ZNRF3: variants seen among roughly 807,000 people sequenced by gnomAD.
The protein encoded by ZNRF3 is E3 ubiquitin-protein ligase ZNRF3.
Under a neutral mutation model 72.5 loss-of-function variants are expected in ZNRF3, and 23 were observed. That is an observed-to-expected ratio of 0.32 (90% CI 0.23 to 0.45). The LOEUF (loss-of-function observed/expected upper bound fraction) is 0.45. ZNRF3 is among the 20% of genes least tolerant of loss of function. The pLI, the probability that ZNRF3 is intolerant of heterozygous loss-of-function variation, is 1.00. For missense variants in ZNRF3, 1,169 were observed against 1,272.1 expected (o/e 0.92, Z 1.23); for synonymous variants, 610 against 545.3 (o/e 1.12, Z -1.65).
intron 1 of ZNRF3, among the ~76,000 whole-genome samples, chr22:28,934,841 A>G (rs2034791403): frequency 6.7e-6 from 1 of 150,056 alleles, no homozygotes; most frequent in Non-Finnish European, 1.5e-5. Context: ...AAAAAAAAGT[A>G]TATTGATTAA....
chr22:28,914,473 T>G (rs1307540163), intron 1 of ZNRF3, among the ~76,000 whole-genome samples: 1 of 151,770 alleles, frequency 6.6e-6, no homozygotes, highest in Admixed American at 6.6e-5. Context: ...TGTGTCATAT[T>G]TCATAGACTG....
chr22:29,012,385 G>A (rs1446731713), intron 2 of ZNRF3, among the ~76,000 whole-genome samples: 3 of 152,174 alleles, frequency 2.0e-5, no homozygotes, highest in African/African-American at 7.2e-5. Flanking sequence ...TATCACATAC[G>A]TGGAGAACCT....
chr22:28,972,126 T>C (rs2035586168), intron 1 of ZNRF3, among the ~76,000 whole-genome samples: 1 of 152,216 alleles, frequency 6.6e-6, no homozygotes, highest in Non-Finnish European at 1.5e-5. Context: ...GAGATATAAT[T>C]CACATACCAT....
chr22:28,954,700 T>C (rs2035224873), intron 1 of ZNRF3, among the ~76,000 whole-genome samples: 2 of 152,000 alleles, frequency 1.3e-5, no homozygotes, highest in African/African-American at 4.8e-5. Context: ...TGACCATGGC[T>C]CACCACAGCC....
intron 6 of ZNRF3, among the ~76,000 whole-genome samples, chr22:29,047,834 G>A (rs1409563660): frequency 6.6e-6 from 1 of 152,204 alleles, no homozygotes; most frequent in Non-Finnish European, 1.5e-5. Context: ...GTCTAGATAG[G>A]CTGCTTTTCT....
Position 29,050,443 on chromosome 22 carries a change from C to A in ZNRF3, c.2262C>A (p.Ser754Arg), listed in dbSNP as rs1464642834. The change falls in exon 8 of 9, where the codon AGC (serine) becomes AGA (arginine). Residue 754 changes from serine (S) to arginine (R), a missense_variant. By Grantham distance (110) the Ser-to-Arg change is moderately radical (BLOSUM62 -1). Around this residue, in one of 2 missense-constraint regions of ZNRF3, gnomAD observed 783 missense variants for 731.4 expected, o/e 1.07. Transcript: ENST00000544604. ...GPAGGEPQSG[S>R]SQGLYGLHPD... ...CGGGTGGGGAGCCCCAGTCAGGAAG[C>A]TCCCAGGGCTTGTACGGCCTTCACC... 6.2e-7 allele frequency: 1 copy of A among 1,610,530 alleles called. No individual in the cohort carries two copies. The highest frequency in any genetic ancestry group is 1.1e-5 in the South Asian group (1 of 91,014).
At chr22:28,891,864 G>GT (rs1489154684) in intron 1 of ZNRF3, among the ~76,000 whole-genome samples, 1 of 152,012 alleles carries the variant, frequency 6.6e-6, no homozygotes, top group African/African-American at 2.4e-5. Context: ...TTCTAACTTA[G>GT]TTTTTTCCAT....
intron 1 of ZNRF3, among the ~76,000 whole-genome samples, chr22:28,890,146 G>A (rs2033858522): frequency 6.6e-6 from 1 of 152,198 alleles, no homozygotes; most frequent in African/African-American, 2.4e-5. Context: ...TTGCTTGGAT[G>A]GAAAGGATAG....
At chr22:28,971,074 CG>C (rs1422007180) in intron 1 of ZNRF3, among the ~76,000 whole-genome samples, 1 of 152,036 alleles carries the variant, frequency 6.6e-6, no homozygotes, top group East Asian at 1.9e-4. Flanking sequence ...CTGTAGTCCC[CG>C]CAAGTTGGGA....
chr22:28,982,000 AAAG>A (rs1263804857), intron 1 of ZNRF3, among the ~76,000 whole-genome samples: 7 of 152,150 alleles, frequency 4.6e-5, no homozygotes, highest in Admixed American at 4.6e-4. Context: ...CTAAAAAAAA[AAAG>A]TTGTTTTCCA....
chr22:28,995,900 C>T (rs1026720468), intron 2 of ZNRF3, among the ~76,000 whole-genome samples: 5 of 151,966 alleles, frequency 3.3e-5, no homozygotes, highest in African/African-American at 7.3e-5. Context: ...CTCAGCCACC[C>T]GAGTAACTGT....
In ZNRF3 at chr22:29,049,388, G is replaced by A. The variant is rs1601713012; in HGVS notation, c.1207G>A (p.Gly403Arg). ...PVTLLTMDRH[G>R]EQSLYSPQTP... ...CACCTTGCTGACCATGGACCGGCAC[G>A]GGGAGCAGAGCCTCTATTCCCCGCA... The change falls in exon 8 of 9, where the codon GGG becomes AGG. Residue 403 changes from glycine (G) to arginine (R), a missense_variant. Around this residue, in one of 2 missense-constraint regions of ZNRF3, gnomAD observed 386 missense variants for 540.7 expected, o/e 0.71. Coordinates refer to ENST00000544604, the MANE Select transcript of ZNRF3 (RefSeq NM_001206998.2). This position sits in a 1 kb window ranked among gnomAD's most constrained non-coding sequence, Gnocchi z 5.2. 6.2e-7 allele frequency: 1 copy of A among 1,612,010 alleles called. No individual in the cohort carries two copies. Among genetic ancestry groups the A allele is most frequent in the Non-Finnish European group, 8.5e-7 (1 of 1,179,860 alleles).
In ZNRF3 at chr22:29,049,806, A is replaced by G; in HGVS notation, c.1625A>G (p.Tyr542Cys). Reference protein sequence around the residue: ...YHGHRSVCSGYLADCPGSDSS... With the variant: ...YHGHRSVCSGCLADCPGSDSS... ...GGCCACCGCTCGGTGTGCAGTGGCT[A>G]CCTGGCCGACTGCCCAGGCAGCGAC... Residue 542 changes from tyrosine (Y) to cysteine (C), a missense_variant, in exon 8 of 9, where the codon TAC (tyrosine) becomes TGC (cysteine). This residue lies in a region of ZNRF3 where 783 missense variants were observed against 731.4 expected (regional missense o/e 1.07). Transcript: ENST00000544604. This position sits in a 1 kb window ranked among gnomAD's most constrained non-coding sequence, Gnocchi z 5.2. 1 of 1,607,112 alleles carries G rather than the reference A, an allele frequency of 6.2e-7. No homozygotes were observed. The highest frequency in any genetic ancestry group is 8.5e-7 in the Non-Finnish European group (1 of 1,176,762).
intron 1 of ZNRF3, among the ~76,000 whole-genome samples, chr22:28,963,217 T>C (rs77173585): frequency 1.1e-3 from 172 of 152,274 alleles, no homozygotes; most frequent in African/African-American, 3.9e-3. Context: ...ACAGAGTGCA[T>C]GAAAGCAGGA....
intron 8 of ZNRF3, among the ~76,000 whole-genome samples, chr22:29,051,789 T>C (rs1569299268): frequency 6.7e-6 from 1 of 148,932 alleles, no homozygotes; most frequent in African/African-American, 2.5e-5. Context: ...CCTGTAATCC[T>C]AGCTACTCCG....
intron 1 of ZNRF3, among the ~76,000 whole-genome samples, chr22:28,909,771 G>T (rs561194370): frequency 2.2e-4 from 24 of 108,362 alleles, no homozygotes; most frequent in Middle Eastern, 6.3e-3. Flanking sequence ...TTTTTTTTTG[G>T]TGGTAGGGAA....
At chr22:28,971,817 C>T (rs1176189511) in intron 1 of ZNRF3, among the ~76,000 whole-genome samples, 1 of 152,160 alleles carries the variant, frequency 6.6e-6, no homozygotes, top group Non-Finnish European at 1.5e-5. Context: ...AGCAATCCTC[C>T]CACCTCAGCC....
intron 1 of ZNRF3, among the ~76,000 whole-genome samples, chr22:28,977,793 T>C (rs925398281): frequency 1.3e-5 from 2 of 152,174 alleles, no homozygotes; most frequent in Non-Finnish European, 2.9e-5. Flanking sequence ...TAACCTTGGA[T>C]AAAAGCACCA....
At chr22:29,005,243 A>G (rs1210742669) in intron 2 of ZNRF3, among the ~76,000 whole-genome samples, 1 of 152,234 alleles carries the variant, frequency 6.6e-6, no homozygotes, top group African/African-American at 2.4e-5. Flanking sequence ...ACTTGCCAGG[A>G]GGAAAACCTT....
Sources: allele counts gnomAD v4.1 joint callset (sites outside exome capture counted in the v4.1 genomes callset), GRCh38; gene constraint gnomAD v4.1.1; regional missense constraint gnomAD v4.1.1; non-coding constraint Gnocchi (gnomAD v3.1); transcripts MANE v1.5; gene names NCBI Gene and HGNC (gene_info 2026-07-23, HGNC 2026-07-21).